The following KCNMA1 variants were observed in gnomAD, a reference collection of about 807,000 sequenced individuals.
The protein encoded by KCNMA1 is Calcium-activated potassium channel subunit alpha-1.
KCNMA1 carries 29 observed loss-of-function variants against 140.0 expected under a neutral mutation model. That is an observed-to-expected ratio of 0.21 (90% confidence interval 0.15 to 0.28). The LOEUF is 0.28. KCNMA1 is among the 10% of genes least tolerant of loss of function. The probability of loss-of-function intolerance (pLI) is 1.00; values close to 1 mark genes in which losing one functional copy is unlikely to be tolerated. For synonymous variants in KCNMA1, 612 were observed against 611.9 expected (o/e 1.00, Z 0.00); for missense variants, 880 against 1,602.2 (o/e 0.55, Z 7.70).
rs1555137436 is a variant in KCNMA1 at position 77,025,279 on chromosome 10, T to TATATATAC, written c.1928+2543_1928+2544insGTATATAT. 2.3e-5 allele frequency among the ~76,000 whole-genome samples: 3 copies of TATATATAC among 132,392 alleles called. No homozygotes were observed. The South Asian group carries it at 7.6e-4, about 34-fold the overall frequency. 86.9% of individuals were successfully genotyped at this position (132,392 alleles called of 152,430 possible). A position where few individuals can be genotyped will look rare whatever the true frequency, so the allele number is the denominator to read the frequency against. On this transcript the variant is annotated intron_variant, in intron 16 of 27. Transcript: ENST00000286628. ...ATATATATATATATATATATATATA[T>TATATATAC]ATACACACACACATATATAATATAG...
chr10:77,087,461 C>T (rs1284683507), intron 10 of KCNMA1, among the ~76,000 whole-genome samples: 2 of 152,168 alleles, frequency 1.3e-5, no homozygotes, highest in African/African-American at 4.8e-5. Flanking sequence ...GCCGAAGGTT[C>T]CCCTGGGAGA....
chr10:77,348,580 T>C (rs2092490184), intron 2 of KCNMA1, among the ~76,000 whole-genome samples: 1 of 152,208 alleles, frequency 6.6e-6, no homozygotes, highest in South Asian at 2.1e-4. Flanking sequence ...TTAACACAAC[T>C]GTGACATTAG....
intron 18 of KCNMA1, among the ~76,000 whole-genome samples, chr10:77,002,652 T>C (rs1172868545): frequency 6.6e-6 from 1 of 152,206 alleles, no homozygotes; most frequent in Admixed American, 6.5e-5. Flanking sequence ...TGGTAACCTA[T>C]AAAAGTTGTT....
chr10:77,391,292 T>C (rs931645320), intron 2 of KCNMA1, among the ~76,000 whole-genome samples: 5 of 152,170 alleles, frequency 3.3e-5, no homozygotes, highest in African/African-American at 1.2e-4. Flanking sequence ...TGTGTGCCCT[T>C]GGAGGCTTGT....
At chr10:77,537,412 C>G (rs2059148114) in intron 1 of KCNMA1, among the ~76,000 whole-genome samples, 1 of 152,182 alleles carries the variant, frequency 6.6e-6, no homozygotes, top group African/African-American at 2.4e-5. Flanking sequence ...CATCCTTGCC[C>G]CCACCCAGGG....
intron 19 of KCNMA1, chr10:76,980,640 A>G (rs902340834): frequency 2.6e-5 from 4 of 152,170 alleles, no homozygotes; most frequent in African/African-American, 9.7e-5. Flanking sequence ...CTGAGTCTTC[A>G]TTCCAAAAGG....
At chr10:77,422,056 G>C (rs1400553573) in intron 1 of KCNMA1, among the ~76,000 whole-genome samples, 1 of 152,246 alleles carries the variant, frequency 6.6e-6, no homozygotes, top group Non-Finnish European at 1.5e-5. Context: ...CTCAGAGATA[G>C]CCTTCAGTCA....
At chr10:77,262,242 A>G (rs887576648) in intron 2 of KCNMA1, among the ~76,000 whole-genome samples, 2 of 152,180 alleles carry the variant, frequency 1.3e-5, no homozygotes, top group Non-Finnish European at 2.9e-5. Flanking sequence ...TAAAGAAGGA[A>G]ATTCTGGTCC....
intron 11 of KCNMA1, 103 bp from the exon 12 acceptor site, chr10:77,084,822 A>T: frequency 2.1e-6 from 1 of 469,792 alleles, no homozygotes; most frequent in Non-Finnish European, 3.6e-6. Context: ...CTTTGCAAAG[A>T]AAAAAAAAAA....
At chr10:77,635,969 G>C (rs72813452) in intron 1 of KCNMA1, 9,417 of 172,824 alleles carry the variant, frequency 0.054, 501 homozygotes, top group Non-Finnish European at 0.071. Flanking sequence ...ATAGCCCCAG[G>C]CTTCCCTACT....
At chr10:77,012,534 A>G (rs2091052197) in intron 17 of KCNMA1, 3 of 1,550,056 alleles carry the variant, frequency 1.9e-6, no homozygotes, top group Non-Finnish European at 2.6e-6. Flanking sequence ...CTGGGCAGCC[A>G]AAGGGAGACA....
At chr10:77,080,796 A>G (rs1002038054) in intron 12 of KCNMA1, among the ~76,000 whole-genome samples, 3 of 152,160 alleles carry the variant, frequency 2.0e-5, no homozygotes, top group Non-Finnish European at 4.4e-5. Flanking sequence ...GCTGAGTCCA[A>G]TTCTCCAAGT....
At chr10:77,149,825 C>T (rs1454484400) in intron 5 of KCNMA1, 1 of 152,180 alleles carries the variant, frequency 6.6e-6, no homozygotes, top group African/African-American at 2.4e-5. Flanking sequence ...ACACTGAAAT[C>T]TCCATCTTTT....
chr10:77,573,809 C>A (rs2154561513), intron 1 of KCNMA1, among the ~76,000 whole-genome samples: 1 of 151,052 alleles, frequency 6.6e-6, no homozygotes, highest in South Asian at 2.1e-4. Flanking sequence ...GTCCACCTGC[C>A]TGTTCATTTA....
rs5786288 is a variant in KCNMA1, at chr10:77,461,228, C to CTTTTTTTTTTT, written c.379-57216_379-57206dup. ...TAACAAAACCGCACTTGTACTCCCT[C>CTTTTTTTTTTT]TTTTTTTTTTTTCAAAAAAGAGGCC... On this transcript the variant is annotated intron_variant, in intron 1 of 27. Transcript: ENST00000286628. 6.3e-4 allele frequency among the ~76,000 whole-genome samples: 93 copies of CTTTTTTTTTTT among 146,922 alleles called. 2 individuals are homozygous for CTTTTTTTTTTT. The East Asian group carries it at 0.016, about 25-fold the overall frequency.
At chr10:77,328,994 C>T (rs1029215288) in intron 2 of KCNMA1, among the ~76,000 whole-genome samples, 1 of 152,038 alleles carries the variant, frequency 6.6e-6, no homozygotes, top group South Asian at 2.1e-4. Flanking sequence ...GCGCCTGCCA[C>T]CATGCCCGGC....
At chr10:77,359,809 T>G (rs574085181) in intron 2 of KCNMA1, among the ~76,000 whole-genome samples, 1 of 152,304 alleles carries the variant, frequency 6.6e-6, no homozygotes, top group Admixed American at 6.5e-5. Flanking sequence ...TTCTGTGTTT[T>G]TCAAATAAAT....
At chr10:77,060,740 G>T (rs1197303250) in intron 14 of KCNMA1, among the ~76,000 whole-genome samples, 2 of 152,186 alleles carry the variant, frequency 1.3e-5, no homozygotes, top group African/African-American at 4.8e-5. Context: ...TGATAGGAAG[G>T]TTATCTAAGT....
intron 27 of KCNMA1, 146 bp downstream of exon 27, chr10:76,889,305 C>G (rs1241309119): frequency 3.0e-6 from 2 of 673,846 alleles, no homozygotes; most frequent in Admixed American, 4.5e-5. Context: ...CCATCACCTC[C>G]AAACTCAGTG....
Sources: gnomAD v4.1 joint callset for allele counts (sites outside exome capture counted in the v4.1 genomes callset) on GRCh38, gnomAD v4.1.1 for gene constraint, MANE v1.5 for transcripts, NCBI Gene and HGNC (gene_info 2026-07-23, HGNC 2026-07-21) for gene names.